The following SRC variants were observed in gnomAD, a reference collection of about 807,000 sequenced individuals.
SRC encodes SRC proto-oncogene, non-receptor tyrosine kinase, also known as proto-oncogene tyrosine-protein kinase Src.
In SRC, 13 loss-of-function variants were observed where a neutral mutation model predicts 62.9. The observed-to-expected ratio is 0.21, with a 90% CI of 0.13 to 0.33. The LOEUF is 0.33. SRC is among the 10% of genes least tolerant of loss of function. The pLI, the probability that SRC is intolerant of heterozygous loss-of-function variation, is 1.00. For synonymous variants in SRC, 302 were observed against 317.5 expected (o/e 0.95, Z 0.52); for missense variants, 457 against 737.3 (o/e 0.62, Z 4.40).
At chr20:37,393,494 C>A (rs1413037462) in intron 5 of SRC, among the ~76,000 whole-genome samples, 2 of 152,206 alleles carry the variant, frequency 1.3e-5, no homozygotes, top group Non-Finnish European at 2.9e-5. Context: ...TCTATTACAA[C>A]CTTACTTGCC....
At position 37,396,202 on chromosome 20, in the gene SRC, G is replaced by A; in HGVS notation, c.594G>A (p.Lys198=). 6.2e-7 allele frequency: 1 copy of A among 1,613,946 alleles called. No homozygotes were observed. The highest frequency in any genetic ancestry group is 8.5e-7 in the Non-Finnish European group (1 of 1,180,014). ...CLSVSDFDNA[K]GLNVKHYKIR... is the part of the protein sequence containing the mutation. ...CAGTGTCTGACTTCGACAACGCCAA[G>A]GGCCTCAACGTGAAGCACTACAAGA... Residue 198 remains lysine (K), a synonymous_variant, in exon 8 of 14, where the codon AAG becomes AAA. Transcript: ENST00000373578. The surrounding 1 kb of genome is among the most constrained non-coding windows in gnomAD (Gnocchi z 6.1).
Position 37,398,287 on chromosome 20 carries a change from T to C in SRC, c.859+433T>C, listed in dbSNP as rs1487634072. Among the ~76,000 whole-genome samples, 1 of 152,168 alleles carries C rather than the reference T, an allele frequency of 6.6e-6. No homozygotes were observed. Among genetic ancestry groups the C allele is most frequent in the Non-Finnish European group, 1.5e-5 (1 of 68,022 alleles). Reference sequence around the variant, plus strand: ...GAGGGAGTGCTGGGAAGCTTAGGTCTGGCATGGTCTGGGCCTGTTAGCGAT... The same window carrying C: ...GAGGGAGTGCTGGGAAGCTTAGGTCCGGCATGGTCTGGGCCTGTTAGCGAT... On this transcript the variant is annotated intron_variant, in intron 9 of 13. Transcript: ENST00000373578. The surrounding 1 kb of genome is among the most constrained non-coding windows in gnomAD (Gnocchi z 5.2).
At chr20:37,376,934 G>A (rs6090576) in intron 2 of SRC, among the ~76,000 whole-genome samples, 39,245 of 152,154 alleles carry the variant, frequency 0.26, 6,398 homozygotes, top group African/African-American at 0.47. Context: ...CACAGTGGGC[G>A]GGGTACCAGA....
At chr20:37,352,488 C>G (rs886729200) in intron 1 of SRC, among the ~76,000 whole-genome samples, 8 of 152,212 alleles carry the variant, frequency 5.3e-5, no homozygotes, top group East Asian at 3.8e-4. Context: ...CATCCAGCCT[C>G]CCTGAGCCTG....
At chr20:37,354,182 A>C (rs1208638414) in intron 1 of SRC, among the ~76,000 whole-genome samples, 11 of 152,218 alleles carry the variant, frequency 7.2e-5, no homozygotes, top group Admixed American at 7.2e-4. Context: ...CCTGGGGCGC[A>C]TTCTGCTTTC....
chr20:37,402,613 C>G lies in SRC; in HGVS notation c.1270+25C>G. ...GGTGGGCAGGGGCTGTGTGGTATGT[C>G]GCGCTTGGCCTGGGACAGGTCACGT... On this transcript the variant is annotated intron_variant, in intron 12 of 13. Coordinates refer to ENST00000373578, the MANE Select transcript of SRC (RefSeq NM_198291.3). This position sits in a 1 kb window ranked among gnomAD's most constrained non-coding sequence, Gnocchi z 6.2. 6.3e-7 allele frequency: 1 copy of G among 1,597,398 alleles called. No homozygotes were observed. The highest frequency in any genetic ancestry group is 8.5e-7 in the Non-Finnish European group (1 of 1,169,832).
chr20:37,359,180 TGGGGCCGA>T (rs1200497201), intron 1 of SRC, among the ~76,000 whole-genome samples: 1 of 152,216 alleles, frequency 6.6e-6, no homozygotes, highest in East Asian at 1.9e-4. Flanking sequence ...TGGACAGATC[TGGGGCCGA>T]GGGCTGCCAC....
chr20:37,354,319 C>G (rs1487316666), intron 1 of SRC, among the ~76,000 whole-genome samples: 1 of 152,120 alleles, frequency 6.6e-6, no homozygotes, highest in African/African-American at 2.4e-5. Flanking sequence ...CAGTTGCTTC[C>G]CCTCGCTGAG....
At chr20:37,375,361 A>G (rs1426879204) in intron 2 of SRC, among the ~76,000 whole-genome samples, 1 of 151,928 alleles carries the variant, frequency 6.6e-6, no homozygotes, top group Non-Finnish European at 1.5e-5. Flanking sequence ...CCTCCTGCGT[A>G]GCTGGGTCTA....
chr20:37,375,324 C>T (rs536572391), intron 2 of SRC, among the ~76,000 whole-genome samples: 33 of 152,152 alleles, frequency 2.2e-4, no homozygotes, highest in Middle Eastern at 3.4e-3. Context: ...CTCAACCTTC[C>T]AGACTCAAGT....
At chr20:37,400,324 AGGG>A (rs1432298650) in intron 10 of SRC, 30 bp downstream of exon 10, 3 of 1,582,764 alleles carry the variant, frequency 1.9e-6, no homozygotes, top group Non-Finnish European at 2.6e-6. Flanking sequence ...GGCAGGGGGC[AGGG>A]GCACTCCGGA....
intron 2 of SRC, among the ~76,000 whole-genome samples, chr20:37,376,455 T>C (rs1253095976): frequency 6.6e-6 from 1 of 152,224 alleles, no homozygotes; most frequent in African/African-American, 2.4e-5. Flanking sequence ...GTTAGGAAGT[T>C]GCAAGCTGGC....
chr20:37,352,246 G>T (rs568559759), intron 1 of SRC, among the ~76,000 whole-genome samples: 56 of 152,344 alleles, frequency 3.7e-4, no homozygotes, highest in African/African-American at 1.2e-3. Context: ...GTGCTTGGGC[G>T]CAGGGCCTGC....
intron 2 of SRC, among the ~76,000 whole-genome samples, chr20:37,374,183 G>A (rs964288360): frequency 4.2e-4 from 64 of 151,238 alleles, no homozygotes; most frequent in Admixed American, 3.3e-3. Flanking sequence ...AGGTTCAAGC[G>A]ATTCTTCTGC....
Position 37,402,941 on chromosome 20 carries a change from G to C in SRC, c.1402+61G>C. On this transcript the variant is annotated intron_variant, in intron 13 of 13. Coordinates refer to ENST00000373578, the MANE Select transcript of SRC (RefSeq NM_198291.3). This position sits in a 1 kb window ranked among gnomAD's most constrained non-coding sequence, Gnocchi z 6.2. ...AATCCCTCTGCCCTGGTGGCCTTGG[G>C]CAAGTCATGACTCCTGCTGGGCCTG... 1 of 1,564,680 alleles carries C rather than the reference G, an allele frequency of 6.4e-7. No homozygotes were observed. Among genetic ancestry groups the C allele is most frequent in the Admixed American group, 1.9e-5 (1 of 52,332 alleles).
intron 1 of SRC, among the ~76,000 whole-genome samples, chr20:37,349,660 T>G (rs1263251873): frequency 6.6e-6 from 1 of 152,204 alleles, no homozygotes; most frequent in Non-Finnish European, 1.5e-5. Flanking sequence ...GGTCTGGCCC[T>G]GCTAGCTCTG....
At position 37,398,487 on chromosome 20, in the gene SRC, C is replaced by A. The variant is rs1281310459; in HGVS notation, c.859+633C>A. Among the ~76,000 whole-genome samples, 1 of 152,162 alleles carries A rather than the reference C, an allele frequency of 6.6e-6. No individual in the cohort carries two copies. The highest frequency in any genetic ancestry group is 1.5e-5 in the Non-Finnish European group (1 of 68,014). On this transcript the variant is annotated intron_variant, in intron 9 of 13. Coordinates refer to ENST00000373578, the MANE Select transcript of SRC (RefSeq NM_198291.3). The surrounding 1 kb of genome is among the most constrained non-coding windows in gnomAD (Gnocchi z 5.2). ...CATGGTGCTAGCGGGGATCACGGTG[C>A]GCTGTTTTCAAGGTGGTTTCATCTG...
intron 9 of SRC, 105 bp from the exon 10 acceptor site, chr20:37,400,010 G>A: frequency 8.6e-7 from 1 of 1,161,234 alleles, no homozygotes; most frequent in Non-Finnish European, 1.2e-6. Flanking sequence ...TCACATGGCT[G>A]TGGAGGCCAC....
At chr20:37,370,007 C>T (rs1281969471) in intron 2 of SRC, among the ~76,000 whole-genome samples, 1 of 152,128 alleles carries the variant, frequency 6.6e-6, no homozygotes, top group Non-Finnish European at 1.5e-5. Flanking sequence ...ACCATGTTGG[C>T]CACACTGGTC....
Sources: gnomAD v4.1 joint callset for allele counts (sites outside exome capture counted in the v4.1 genomes callset) on GRCh38, gnomAD v4.1.1 for gene constraint, Gnocchi (gnomAD v3.1) non-coding constraint, MANE v1.5 for transcripts, NCBI Gene and HGNC (gene_info 2026-07-23, HGNC 2026-07-21) for gene names.